EPHA7: variants seen among roughly 807,000 people sequenced by gnomAD.
The protein encoded by EPHA7 is ephrin type-A receptor 7.
In EPHA7, 25 loss-of-function variants were observed where a neutral mutation model predicts 112.6. That is an observed-to-expected ratio of 0.22 (90% CI 0.16 to 0.31). The LOEUF is 0.31. Among genes scored for constraint, EPHA7 ranks in the 10% least tolerant of loss-of-function variants. The pLI is 1.00. For missense variants in EPHA7, 962 were observed against 1,212.6 expected, an observed-to-expected ratio of 0.79 and a Z score of 3.07; for synonymous variants, 437 against 406.5, an observed-to-expected ratio of 1.07 and a Z score of -0.90.
In EPHA7 at chr6:93,410,862, T is replaced by C. The variant is rs1195642339; in HGVS notation, c.471A>G (p.Gln157=). 1 of 1,614,044 alleles carries C rather than the reference T, an allele frequency of 6.2e-7. No individual in the cohort carries two copies. Among genetic ancestry groups the C allele is most frequent in the East Asian group, 2.2e-5 (1 of 44,886 alleles). ...DTIAADESFT[Q]GDLGERKMKL... is the part of the protein sequence containing the mutation. ...TCATCTTTCTTTCACCAAGGTCACC[T>C]TGGGTAAAACTTTCATCTGCAGCAA... The change falls in exon 3 of 17, where the codon CAA becomes CAG. Residue 157 remains glutamine, a synonymous_variant. Transcript: ENST00000369303. This position sits in a 1 kb window ranked among gnomAD's most constrained non-coding sequence, Gnocchi z 4.0.
chr6:93,411,064 A>G lies in EPHA7; in HGVS notation c.269T>C (p.Ile90Thr). ...NQNNWLRTNW[I>T]SKGNAQRIFV... ...AATCCTTTGTGCATTGCCTTTGGAAATCCAGTTAGTCCGCAGCCAGTTGTT... is the reference window on the plus strand; with the variant it reads ...AATCCTTTGTGCATTGCCTTTGGAAGTCCAGTTAGTCCGCAGCCAGTTGTT... Residue 90 changes from isoleucine to threonine, a missense_variant, in exon 3 of 17, where the codon ATT becomes ACT. By Grantham distance (89) the Ile-to-Thr change is moderately conservative (BLOSUM62 -1). Transcript: ENST00000369303. 6.2e-7 allele frequency: 1 copy of G among 1,613,976 alleles called. No individual in the cohort carries two copies. The highest frequency in any genetic ancestry group is 2.2e-5 in the East Asian group (1 of 44,872).
chr6:93,348,970 A>G (rs568829798), intron 5 of EPHA7, among the ~76,000 whole-genome samples: 17 of 151,960 alleles, frequency 1.1e-4, no homozygotes, highest in Admixed American at 6.6e-5. Flanking sequence ...TACACTTAGT[A>G]TAAGACCATA....
At chr6:93,271,145 T>C (rs1771198476) in intron 6 of EPHA7, among the ~76,000 whole-genome samples, 4 of 151,828 alleles carry the variant, frequency 2.6e-5, no homozygotes. Context: ...AAAACACATT[T>C]GTTGGGACGA....
chr6:93,371,207 C>T (rs567766480), intron 3 of EPHA7, among the ~76,000 whole-genome samples: 3 of 151,314 alleles, frequency 2.0e-5, no homozygotes, highest in Non-Finnish European at 4.4e-5. Context: ...CTCTCTGTAT[C>T]CACTGGTTCT....
chr6:93,242,628 T>C lies in EPHA7; in HGVS notation c.*798A>G. 4.6e-6 allele frequency: 1 copy of C among 218,442 alleles called. No individual in the cohort carries two copies. Among genetic ancestry groups the C allele is most frequent in the Non-Finnish European group, 9.2e-6 (1 of 108,358 alleles). The allele number at this position is 218,442 out of a possible 1,614,324, so 13.5% of individuals were successfully genotyped here. ...TAAATTCTTTCTAGTAAAATCACTCTATAAACAATCTGTTAAAAGTGCCTT... is the reference window on the plus strand; with the variant it reads ...TAAATTCTTTCTAGTAAAATCACTCCATAAACAATCTGTTAAAAGTGCCTT... On this transcript the variant is annotated 3_prime_UTR_variant, in exon 17 of 17. Transcript: ENST00000369303.
intron 5 of EPHA7, among the ~76,000 whole-genome samples, chr6:93,291,729 C>A (rs1772384277): frequency 7.3e-6 from 1 of 137,916 alleles, no homozygotes. Context: ...GATCCCGCCA[C>A]TGCACTCCAG....
intron 14 of EPHA7, among the ~76,000 whole-genome samples, chr6:93,249,790 C>A (rs3799824): frequency 0.068 from 10,412 of 152,110 alleles, 538 homozygotes; most frequent in Admixed American, 0.13. Context: ...TCTTATCATG[C>A]CCTCTTGACA....
At position 93,365,963 on chromosome 6, in the gene EPHA7, T is replaced by C. The variant is rs550825044; in HGVS notation, c.833-7552A>G. Among the ~76,000 whole-genome samples, 450 of 152,290 alleles carry C rather than the reference T, an allele frequency of 3.0e-3. 3 individuals carry two copies. The highest frequency in any genetic ancestry group is 5.1e-3 in the Non-Finnish European group (344 of 67,992). On this transcript the variant is annotated intron_variant, in intron 3 of 16. Transcript: ENST00000369303. Reference sequence around the variant, plus strand: ...TGTAAAATAAGAAGCTTTAAAAAGTTTCGTTTCTAAAGTTTAGAATGTAAA... The same window carrying C: ...TGTAAAATAAGAAGCTTTAAAAAGTCTCGTTTCTAAAGTTTAGAATGTAAA...
intron 5 of EPHA7, among the ~76,000 whole-genome samples, chr6:93,340,930 C>T (rs1775107767): frequency 6.6e-6 from 1 of 151,770 alleles, no homozygotes; most frequent in Admixed American, 6.6e-5. Context: ...TGTGAAGATA[C>T]AGGTAGTAGT....
At position 93,272,412 on chromosome 6, in the gene EPHA7, T is replaced by C; in HGVS notation, c.1335A>G (p.Gln445=). ...CTCTCTCCTTCATTACTCCACTCAC[T>C]TGCGAGGGAGCTGTTTGGACAAGAT... ...SITTGQAAPS[Q]VSGVMKERVL... Residue 445 remains glutamine, a synonymous_variant, in exon 6 of 17, where the codon CAA becomes CAG. Transcript: ENST00000369303. 2 of 1,611,624 alleles carry C rather than the reference T, an allele frequency of 1.2e-6. No individual in the cohort carries two copies. Among genetic ancestry groups the C allele is most frequent in the Non-Finnish European group, 1.7e-6 (2 of 1,178,330 alleles).
At chr6:93,386,713 A>G (rs1777625174) in intron 3 of EPHA7, among the ~76,000 whole-genome samples, 1 of 150,246 alleles carries the variant, frequency 6.7e-6, no homozygotes, top group South Asian at 2.1e-4. Context: ...GGGTGATTCC[A>G]TGCATCATCT....
intron 3 of EPHA7, among the ~76,000 whole-genome samples, chr6:93,387,561 C>G (rs1163410521): frequency 6.6e-6 from 1 of 152,058 alleles, no homozygotes; most frequent in East Asian, 1.9e-4. Flanking sequence ...CTGTTTTAGT[C>G]TGTTTTCACA....
chr6:93,410,611 T>C lies in EPHA7; in HGVS notation c.722A>G (p.Glu241Gly). Residue 241 changes from glutamate (E) to glycine (G), a missense_variant, in exon 3 of 17, where the codon GAA (glutamate) becomes GGA (glycine). Glu to Gly is a moderately conservative substitution (Grantham distance 98). Around this residue, in one of 3 missense-constraint regions of EPHA7, gnomAD observed 160 missense variants for 263.6 expected, o/e 0.61. Coordinates refer to ENST00000369303, the MANE Select transcript of EPHA7 (RefSeq NM_004440.4). The surrounding 1 kb of genome is among the most constrained non-coding windows in gnomAD (Gnocchi z 4.0). ...GTGCATCCTGGGGGCGTTTTCCGCT[T>C]CTTCCTCTGCACTGCTGACACATGT... ...RGTCVSSAEEEAENAPRMHCS... is the reference protein window; with the variant it reads ...RGTCVSSAEEGAENAPRMHCS... 1 of 1,614,032 alleles carries C rather than the reference T, an allele frequency of 6.2e-7. No homozygotes were observed. Among genetic ancestry groups the C allele is most frequent in the Non-Finnish European group, 8.5e-7 (1 of 1,179,958 alleles).
intron 5 of EPHA7, among the ~76,000 whole-genome samples, chr6:93,326,263 GC>G (rs1024867837): frequency 1.1e-4 from 16 of 151,436 alleles, no homozygotes; most frequent in African/African-American, 3.6e-4. Flanking sequence ...AAATTACCTG[GC>G]ATACAGTAAG....
rs1050191243 is a variant in EPHA7, at chr6:93,278,648, TAGAC to T, written c.1325-6230_1325-6227del. Among the ~76,000 whole-genome samples the T allele has an allele frequency of 3.3e-5, 5 of 152,188 alleles. No homozygotes were observed. The East Asian group carries it at 5.8e-4, about 18-fold the overall frequency. On this transcript the variant is annotated intron_variant, in intron 5 of 16. Coordinates refer to ENST00000369303, the MANE Select transcript of EPHA7 (RefSeq NM_004440.4). ...CTTAGAATTTGCAACATTAGATAGA[TAGAC>T]AGATGGATTTCTTCCCTTCTAAAAC...
At chr6:93,374,932 AGAT>A (rs1205593686) in intron 3 of EPHA7, among the ~76,000 whole-genome samples, 2 of 152,220 alleles carry the variant, frequency 1.3e-5, no homozygotes, top group Non-Finnish European at 2.9e-5. Context: ...ATTTCAAAAA[AGAT>A]AATATTGCTT....
intron 5 of EPHA7, among the ~76,000 whole-genome samples, chr6:93,299,328 AAAAAT>A (rs559885595): frequency 2.2e-3 from 330 of 151,694 alleles, no homozygotes; most frequent in Middle Eastern, 3.4e-3. Flanking sequence ...TCCGTCTCAA[AAAAAT>A]AAAATAAAAT....
intron 3 of EPHA7, among the ~76,000 whole-genome samples, chr6:93,400,135 T>C (rs955708653): frequency 2.6e-5 from 4 of 152,066 alleles, no homozygotes; most frequent in African/African-American, 7.2e-5. Context: ...GGACATTATA[T>C]AATACAAGTC....
chr6:93,354,357 C>A (rs933995022), intron 5 of EPHA7, among the ~76,000 whole-genome samples: 4 of 151,896 alleles, frequency 2.6e-5, no homozygotes, highest in Non-Finnish European at 5.9e-5. Context: ...TGAGTTTTAG[C>A]ATTTGAGATG....
Sources: allele counts gnomAD v4.1 joint callset (sites outside exome capture counted in the v4.1 genomes callset), GRCh38; gene constraint gnomAD v4.1.1; regional missense constraint gnomAD v4.1.1; non-coding constraint Gnocchi (gnomAD v3.1); transcripts MANE v1.5; gene names NCBI Gene and HGNC (gene_info 2026-07-23, HGNC 2026-07-21).